The following GMPR variants were observed in gnomAD, a reference collection of about 807,000 sequenced individuals.
GMPR encodes GMP reductase 1.
In GMPR, 31 loss-of-function variants were observed where a neutral mutation model predicts 38.4. The ratio of observed to expected loss-of-function variants is 0.81; its 90% confidence interval spans 0.61 to 1.09. GMPR has a LOEUF of 1.09. Ranked by LOEUF, GMPR falls within the 50% of genes least tolerant of loss-of-function variation. GMPR has a pLI of 0.00. For synonymous variants in GMPR, 162 were observed against 173.3 expected (o/e 0.93, Z 0.51); for missense variants, 468 against 453.7 (o/e 1.03, Z -0.29).
intron 3 of GMPR, among the ~76,000 whole-genome samples, chr6:16,250,652 A>G (rs1392334230): frequency 6.6e-6 from 1 of 152,228 alleles, no homozygotes; most frequent in Non-Finnish European, 1.5e-5. Context: ...AATTCAAGGT[A>G]GATCCAGTCT....
Position 16,278,784 on chromosome 6 carries a change from G to A in GMPR, c.548G>A (p.Gly183Asp). ...ADIIKVGVGP[G>D]SVCTTRTKTG... ...GGGGACAACTTCTTTCTCTGTGCAG[G>A]TTCTGTGTGCACCACCCGCACCAAG... Residue 183 changes from glycine (G) to aspartate (D), a missense_variant and splice_region_variant, in exon 6 of 9, where the codon GGT becomes GAT. Gly to Asp is a moderately conservative substitution (Grantham distance 94). Transcript: ENST00000259727. 6.2e-7 allele frequency: 1 copy of A among 1,609,514 alleles called. No homozygotes were observed. The highest frequency in any genetic ancestry group is 8.5e-7 in the Non-Finnish European group (1 of 1,175,720).
chr6:16,277,328 T>C (rs1403114438), intron 5 of GMPR, among the ~76,000 whole-genome samples: 3 of 152,108 alleles, frequency 2.0e-5, no homozygotes, highest in Non-Finnish European at 2.9e-5. Context: ...TCTGATCTTG[T>C]CCCTAAAGAC....
chr6:16,252,336 T>C (rs988530246), intron 3 of GMPR, among the ~76,000 whole-genome samples: 2 of 152,326 alleles, frequency 1.3e-5, no homozygotes, highest in South Asian at 2.1e-4. Context: ...CTCTGCTCAC[T>C]GCAGCCTCCA....
At chr6:16,244,120 G>C (rs1180233274) in intron 1 of GMPR, among the ~76,000 whole-genome samples, 1 of 151,922 alleles carries the variant, frequency 6.6e-6, no homozygotes, top group Non-Finnish European at 1.5e-5. Context: ...TTCAGGGTAG[G>C]AGGTTAGAAC....
In GMPR at chr6:16,238,635, CCCCGCGCAGG is replaced by C. The variant is rs1182637345; in HGVS notation, c.-57_-48del. The C allele has an allele frequency of 2.4e-5, 17 of 694,542 alleles. No homozygotes were observed. The Admixed American group carries it at 5.9e-4, about 24-fold the overall frequency. The allele number at this position is 694,542 out of a possible 1,614,324, so 43.0% of individuals were successfully genotyped here. On this transcript the variant is annotated 5_prime_UTR_variant, in exon 1 of 9. Transcript: ENST00000259727. ...AGCAGCCCCGGCGCTCCCCGCGCCGCCCCGCGCAGGCGCCCCCGCCCCGCCGTCGCCGCCG... is the reference window on the plus strand; with the variant it reads ...AGCAGCCCCGGCGCTCCCCGCGCCGCCGCCCCCGCCCCGCCGTCGCCGCCG...
At chr6:16,282,984 GT>G (rs1214828983) in intron 6 of GMPR, among the ~76,000 whole-genome samples, 5 of 151,606 alleles carry the variant, frequency 3.3e-5, no homozygotes, top group Admixed American at 2.6e-4. Context: ...AATTTCTGTA[GT>G]TTTAGTAGAG....
intron 8 of GMPR, among the ~76,000 whole-genome samples, chr6:16,294,255 C>T (rs1376119004): frequency 1.3e-5 from 2 of 152,192 alleles, no homozygotes; most frequent in Non-Finnish European, 2.9e-5. Context: ...CTTGCTTGGA[C>T]CCACACATGT....
Position 16,250,348 on chromosome 6 carries a change from A to C in GMPR, c.272A>C (p.Asn91Thr), listed in dbSNP as rs1343504419. Reference sequence around the variant, plus strand: ...GATGACTGGAAGCTCTTTGCCACAAATCACCCAGAATGCCTGCAGGTACGA... The same window carrying C: ...GATGACTGGAAGCTCTTTGCCACAACTCACCCAGAATGCCTGCAGGTACGA... ...SLDDWKLFATNHPECLQNVAV... is the reference protein window; with the variant it reads ...SLDDWKLFATTHPECLQNVAV... The change falls in exon 3 of 9, where the codon AAT becomes ACT. Residue 91 changes from asparagine to threonine, a missense_variant. By Grantham distance (65) the Asn-to-Thr change is moderately conservative. Transcript: ENST00000259727. The C allele has an allele frequency of 6.2e-7, 1 of 1,602,704 alleles. No individual in the cohort carries two copies. Among genetic ancestry groups the C allele is most frequent in the African/African-American group, 1.3e-5 (1 of 74,844 alleles).
chr6:16,281,065 T>C (rs1278961612), intron 6 of GMPR, among the ~76,000 whole-genome samples: 1 of 152,194 alleles, frequency 6.6e-6, no homozygotes, highest in Non-Finnish European at 1.5e-5. Context: ...TTAGCATCTC[T>C]TTACACAGCA....
At chr6:16,238,932 G>A in intron 1 of GMPR, 152 bp downstream of exon 1, 1 of 371,866 alleles carries the variant, frequency 2.7e-6, no homozygotes, top group Non-Finnish European at 5.1e-6. Context: ...CCCAGCACCT[G>A]CCAGGACGTG....
chr6:16,267,245 G>T (rs1428911229), intron 4 of GMPR, among the ~76,000 whole-genome samples: 1 of 151,982 alleles, frequency 6.6e-6, no homozygotes, highest in African/African-American at 2.4e-5. Context: ...AGTGGCGGGC[G>T]CCTGTAGTCC....
chr6:16,291,216 T>C (rs1759836431), intron 8 of GMPR, among the ~76,000 whole-genome samples: 3 of 151,732 alleles, frequency 2.0e-5, no homozygotes, highest in Admixed American at 2.0e-4. Flanking sequence ...GTGTGTTTAT[T>C]TTTTATTTTT....
chr6:16,275,101 G>T (rs543779597), intron 5 of GMPR, among the ~76,000 whole-genome samples: 1 of 152,142 alleles, frequency 6.6e-6, no homozygotes, highest in Non-Finnish European at 1.5e-5. Flanking sequence ...CATGGGTGGC[G>T]CCATTTTCTC....
chr6:16,278,417 G>A (rs1470232249), intron 5 of GMPR, among the ~76,000 whole-genome samples: 1 of 152,178 alleles, frequency 6.6e-6, no homozygotes, highest in Admixed American at 6.5e-5. Context: ...TTAAAGCAGA[G>A]TGTAGATTTG....
At chr6:16,266,527 G>A (rs1239610122) in intron 4 of GMPR, among the ~76,000 whole-genome samples, 8 of 150,694 alleles carry the variant, frequency 5.3e-5, no homozygotes, top group Admixed American at 5.3e-4. Flanking sequence ...ACACGGCTGG[G>A]CGCGGTGGCT....
intron 8 of GMPR, among the ~76,000 whole-genome samples, chr6:16,293,016 GTCTCTC>G (rs58570071): frequency 3.3e-5 from 5 of 149,902 alleles, no homozygotes; most frequent in African/African-American, 4.9e-5. Flanking sequence ...CTCTGTCTGA[GTCTCTC>G]TCTCTCTCTC....
chr6:16,266,372 A>G (rs1286716058), intron 4 of GMPR, among the ~76,000 whole-genome samples: 1 of 123,962 alleles, frequency 8.1e-6, no homozygotes, highest in Non-Finnish European at 1.7e-5. Context: ...TCACTGTGAA[A>G]AAGGTGGCAC....
In GMPR at chr6:16,286,217, G is replaced by A. The variant is rs559369851; in HGVS notation, c.697+382G>A. 4.7e-4 allele frequency among the ~76,000 whole-genome samples: 72 copies of A among 152,186 alleles called. 1 individual carries two copies. The highest frequency in any genetic ancestry group is 6.8e-3 in the Middle Eastern group (2 of 294). ...CCGTGGAAGGGACAGGAGGAATCCC[G>A]CAGCGGTTTCTCCCTGGAGGCTGGA... is the stretch of plus-strand genomic sequence containing the variant. On this transcript the variant is annotated intron_variant, in intron 7 of 8. Transcript: ENST00000259727.
intron 8 of GMPR, among the ~76,000 whole-genome samples, chr6:16,294,304 A>G (rs1251460896): frequency 6.6e-6 from 1 of 152,182 alleles, no homozygotes; most frequent in Non-Finnish European, 1.5e-5. Context: ...GAGAACAGGG[A>G]GTCGAACTGG....
Sources: allele counts gnomAD v4.1 joint callset (sites outside exome capture counted in the v4.1 genomes callset), GRCh38; gene constraint gnomAD v4.1.1; transcripts MANE v1.5; gene names NCBI Gene and HGNC (gene_info 2026-07-23, HGNC 2026-07-21).